Variants in BICD2 observed in about 807,000 individuals in gnomAD.
The protein encoded by BICD2 is protein bicaudal D homolog 2.
In BICD2, 25 loss-of-function variants were observed where a neutral mutation model predicts 72.9. That is an observed-to-expected ratio of 0.34 (90% CI 0.25 to 0.48). BICD2 has a LOEUF of 0.48. Among genes scored for constraint, BICD2 ranks in the 20% least tolerant of loss-of-function variants. The probability of loss-of-function intolerance (pLI) is 0.99; values close to 1 mark genes in which losing one functional copy is unlikely to be tolerated. For synonymous variants in BICD2, 501 were observed against 516.1 expected, an observed-to-expected ratio of 0.97 and a Z score of 0.40; for missense variants, 894 against 1,175.2, an observed-to-expected ratio of 0.76 and a Z score of 3.50.
intron 1 of BICD2, among the ~76,000 whole-genome samples, chr9:92,754,061 C>A (rs796950117): frequency 2.0e-5 from 3 of 151,070 alleles, no homozygotes; most frequent in Admixed American, 2.0e-4. Flanking sequence ...AGGAGAATGG[C>A]GTGAACCCGG....
In BICD2 at chr9:92,737,985, T is replaced by C. The variant is rs746173559; in HGVS notation, c.241-8749A>G. ...CTCTTTCCCTCCCTCCTCAGCCACA[T>C]AGGCCTCCTGCTTCGCCGAGGTGCC... On this transcript the variant is annotated intron_variant, in intron 1 of 6. Transcript: ENST00000356884. Among the ~76,000 whole-genome samples, 6 of 152,320 alleles carry C rather than the reference T, an allele frequency of 3.9e-5. No homozygotes were observed. The East Asian group carries it at 5.8e-4, about 15-fold the overall frequency.
At chr9:92,716,908 T>A (rs1173204837) in intron 6 of BICD2, among the ~76,000 whole-genome samples, 3 of 152,100 alleles carry the variant, frequency 2.0e-5, no homozygotes, top group African/African-American at 7.2e-5. Context: ...AGAAAGCTGG[T>A]CTCCTCCAAG....
Position 92,719,158 on chromosome 9 carries a change from C to T in BICD2, c.1487G>A (p.Arg496His), listed in dbSNP as rs1312330865. The change falls in exon 5 of 7, where the codon CGC becomes CAC. Residue 496 changes from arginine (R) to histidine (H), a missense_variant. This residue lies in a region of BICD2 where 371 missense variants were observed against 439.1 expected (regional missense o/e 0.84). Transcript: ENST00000356884. The stretch of plus-strand genomic sequence containing the variant: ...CTTCTCCAGCCGGGCCAGCAGCTCG[C>T]GGTCCTGGCGGCTGGCCTTCTCTAG... ...SLLEKASRQD[R>H]ELLARLEKEL... 23 of 1,611,226 alleles carry T rather than the reference C, an allele frequency of 1.4e-5. No individual in the cohort carries two copies. The East Asian group carries it at 4.2e-4, about 30-fold the overall frequency.
rs1412650632 is a variant in BICD2, at chr9:92,729,236, C to T, written c.241G>A (p.Ala81Thr). Residue 81 changes from alanine (A) to threonine (T), a missense_variant and splice_region_variant, in exon 2 of 7, where the codon GCC becomes ACC. Transcript: ENST00000356884. ...TGGTTTGTGTGTGCTTGTCCAAAGG[C>T]CTGCATCAGAAGACAAGACACTCGT... ...IRSEMEQLKE[A>T]FGQAHTNHKK... is the part of the protein sequence containing the mutation. 1 of 1,614,006 alleles carries T rather than the reference C, an allele frequency of 6.2e-7. No individual in the cohort carries two copies. Among genetic ancestry groups the T allele is most frequent in the Non-Finnish European group, 8.5e-7 (1 of 1,179,992 alleles).
chr9:92,717,134 GC>G (rs1489808765), intron 6 of BICD2, among the ~76,000 whole-genome samples: 1 of 151,992 alleles, frequency 6.6e-6, no homozygotes, highest in Non-Finnish European at 1.5e-5. Context: ...GTTCTTGGGG[GC>G]AAATACCTCA....
intron 6 of BICD2, among the ~76,000 whole-genome samples, chr9:92,716,078 A>G (rs1453352620): frequency 6.6e-6 from 1 of 152,130 alleles, no homozygotes; most frequent in African/African-American, 2.4e-5. Context: ...CACATGTCCC[A>G]TATGGGTGGG....
chr9:92,721,498 G>A (rs1853464302), intron 3 of BICD2, among the ~76,000 whole-genome samples: 1 of 152,182 alleles, frequency 6.6e-6, no homozygotes, highest in African/African-American at 2.4e-5. Flanking sequence ...GTGGGCAATT[G>A]CTAAAACTAT....
At position 92,713,587 on chromosome 9, in the gene BICD2, A is replaced by G. The variant is rs1007197606; in HGVS notation, c.*1567T>C. 1 of 1,537,408 alleles carries G rather than the reference A, an allele frequency of 6.5e-7. No individual in the cohort carries two copies. Among genetic ancestry groups the G allele is most frequent in the Admixed American group, 2.0e-5 (1 of 50,746 alleles). On this transcript the variant is annotated 3_prime_UTR_variant, in exon 7 of 7. Transcript: ENST00000356884. ...TTAGTTGGCAGAAGAGAAGACCTGC[A>G]TGTGTTAGCAGGGGTCCCAGTGGCT...
intron 1 of BICD2, among the ~76,000 whole-genome samples, chr9:92,731,786 G>A (rs901113774): frequency 6.6e-5 from 10 of 152,174 alleles, no homozygotes; most frequent in African/African-American, 2.4e-4. Flanking sequence ...AGTCACTGAA[G>A]GACCACTGAG....
At chr9:92,729,911 T>C (rs565971750) in intron 1 of BICD2, among the ~76,000 whole-genome samples, 1 of 152,334 alleles carries the variant, frequency 6.6e-6, no homozygotes, top group East Asian at 1.9e-4. Flanking sequence ...GGAGACCTTA[T>C]GGGTGAGATC....
At chr9:92,761,291 C>T (rs1202615131) in intron 1 of BICD2, among the ~76,000 whole-genome samples, 2 of 152,204 alleles carry the variant, frequency 1.3e-5, no homozygotes, top group Admixed American at 1.3e-4. Context: ...GCAGGTGCAG[C>T]AGCAAGGAGA....
At position 92,718,525 on chromosome 9, in the gene BICD2, G is replaced by A. The variant is rs760769356; in HGVS notation, c.2106+14C>T. ...GTAGTAGGTGACATGTGCCCCTGCT[G>A]CCTGGCACCTCACCTGCTTGTTGGC... On this transcript the variant is annotated intron_variant, in intron 5 of 6. Coordinates refer to ENST00000356884, the MANE Select transcript of BICD2 (RefSeq NM_001003800.2). 12 of 1,597,216 alleles carry A rather than the reference G, an allele frequency of 7.5e-6. No individual in the cohort carries two copies. In the Admixed American group the frequency reaches 2.0e-4, roughly 27 times the overall value.
chr9:92,727,909 A>G (rs149498513), intron 2 of BICD2, among the ~76,000 whole-genome samples: 182 of 152,234 alleles, frequency 1.2e-3, no homozygotes, highest in African/African-American at 3.8e-3. Context: ...CTCTCCCCTG[A>G]TATCTGCCAC....
Position 92,713,796 on chromosome 9 carries a change from G to A in BICD2, c.*1358C>T. On this transcript the variant is annotated 3_prime_UTR_variant, in exon 7 of 7. Transcript: ENST00000356884. ...CATACATGGGCGTGTCCTGGAGTCTGGAGGGGACCGAAACATACTCGGCAC... is the reference window on the plus strand; with the variant it reads ...CATACATGGGCGTGTCCTGGAGTCTAGAGGGGACCGAAACATACTCGGCAC... 1 of 1,171,976 alleles carries A rather than the reference G, an allele frequency of 8.5e-7. No individual in the cohort carries two copies. Among genetic ancestry groups the A allele is most frequent in the African/African-American group, 1.6e-5 (1 of 63,770 alleles). The allele number at this position is 1,171,976 out of a possible 1,614,324, so 72.6% of individuals were successfully genotyped here.
chr9:92,728,802 C>A (rs193140777), intron 2 of BICD2, among the ~76,000 whole-genome samples: 1 of 152,360 alleles, frequency 6.6e-6, no homozygotes, highest in African/African-American at 2.4e-5. Context: ...CAGAAGCAAG[C>A]CAGAGGCAGT....
In BICD2 at chr9:92,719,693, C is replaced by G. The variant is rs56339669; in HGVS notation, c.1063-111G>C. 365,890 of 1,196,592 alleles carry G rather than the reference C, an allele frequency of 0.31. 62,053 individuals are homozygous for G. The highest frequency in any genetic ancestry group is 0.7 in the East Asian group (27,321 of 39,002). 74.1% of individuals were successfully genotyped at this position (1,196,592 alleles called of 1,614,324 possible). A position where few individuals can be genotyped will look rare whatever the true frequency, so the allele number is the denominator to read the frequency against. On this transcript the variant is annotated intron_variant, in intron 4 of 6. Coordinates refer to ENST00000356884, the MANE Select transcript of BICD2 (RefSeq NM_001003800.2). ...CCCACCCCATGTCAGGGCAGGCTGT[C>G]AGCCCCAGGTTCCTTGGCCATGCTG...
At chr9:92,738,309 A>T (rs1375283319) in intron 1 of BICD2, among the ~76,000 whole-genome samples, 2 of 152,202 alleles carry the variant, frequency 1.3e-5, no homozygotes, top group Non-Finnish European at 2.9e-5. Context: ...GAGCAGCCCC[A>T]GGCCAGTGCC....
In BICD2 at chr9:92,755,203, C is replaced by T. The variant is rs571037241; in HGVS notation, c.240+9302G>A. Among the ~76,000 whole-genome samples, 6 of 152,322 alleles carry T rather than the reference C, an allele frequency of 3.9e-5. No individual in the cohort carries two copies. In the South Asian group the frequency reaches 1.2e-3, roughly 32 times the overall value. On this transcript the variant is annotated intron_variant, in intron 1 of 6. Coordinates refer to ENST00000356884, the MANE Select transcript of BICD2 (RefSeq NM_001003800.2). ...TAGACTCCAGTTTCCCATAGCGCTC[C>T]CAGGCTTATTAGGAAGAGGAAATTC... is the stretch of plus-strand genomic sequence containing the variant.
chr9:92,753,761 G>A (rs959737210), intron 1 of BICD2, among the ~76,000 whole-genome samples: 2 of 151,572 alleles, frequency 1.3e-5, no homozygotes, highest in African/African-American at 2.4e-5. Context: ...GGATGGTCTC[G>A]ATCTCCTGAC....
Sources: gnomAD v4.1 joint callset for allele counts (sites outside exome capture counted in the v4.1 genomes callset) on GRCh38, gnomAD v4.1.1 for gene constraint, gnomAD v4.1.1 regional missense constraint, MANE v1.5 for transcripts, NCBI Gene and HGNC (gene_info 2026-07-23, HGNC 2026-07-21) for gene names.